PCDH9: variants seen among roughly 807,000 people sequenced by gnomAD.
The protein encoded by PCDH9 is protocadherin-9.
In PCDH9, 24 loss-of-function variants were observed where a neutral mutation model predicts 70.6. The ratio of observed to expected loss-of-function variants is 0.34; its 90% CI spans 0.25 to 0.48. The LOEUF is 0.48. Among genes scored for constraint, PCDH9 ranks in the 20% least tolerant of loss-of-function variants. The pLI, the probability that PCDH9 is intolerant of heterozygous loss-of-function variation, is 0.99. For missense variants in PCDH9, 1,281 were observed against 1,503.6 expected (o/e 0.85, Z 2.45); for synonymous variants, 562 against 558.5 (o/e 1.01, Z -0.09).
intron 2 of PCDH9, among the ~76,000 whole-genome samples, chr13:66,997,788 C>T (rs1051403514): frequency 2.0e-5 from 3 of 152,142 alleles, no homozygotes; most frequent in African/African-American, 7.2e-5. Context: ...CTGCCTTGGC[C>T]TCCCAAAGAG....
At chr13:66,751,350 T>C (rs1223223229) in intron 3 of PCDH9, among the ~76,000 whole-genome samples, 3 of 152,122 alleles carry the variant, frequency 2.0e-5, no homozygotes, top group African/African-American at 2.4e-5. Flanking sequence ...GTCTATAATG[T>C]ATAAATCTAA....
At chr13:67,188,752 T>C (rs1455951003) in intron 2 of PCDH9, among the ~76,000 whole-genome samples, 3 of 152,056 alleles carry the variant, frequency 2.0e-5, no homozygotes, top group African/African-American at 7.2e-5. Flanking sequence ...AAACTGAAAG[T>C]TCCTTTTTAT....
At chr13:66,456,052 T>G (rs1958311443) in intron 4 of PCDH9, among the ~76,000 whole-genome samples, 1 of 152,164 alleles carries the variant, frequency 6.6e-6, no homozygotes, top group Non-Finnish European at 1.5e-5. Flanking sequence ...AACACCTATT[T>G]GAAAATATTA....
In PCDH9 at chr13:66,919,881, T is replaced by C. The variant is rs557270643; in HGVS notation, c.3037-16276A>G. Among the ~76,000 whole-genome samples, 5 of 151,164 alleles carry C rather than the reference T, an allele frequency of 3.3e-5. No homozygotes were observed. In the South Asian group the frequency reaches 6.2e-4, roughly 19 times the overall value. On this transcript the variant is annotated intron_variant, in intron 2 of 4. Coordinates refer to ENST00000377865, the MANE Select transcript of PCDH9 (RefSeq NM_203487.3). ...GTTAATATTAAAATTTAAAATTATA[T>C]ATATTATTCGTATTTCTTATTCGGT...
intron 2 of PCDH9, among the ~76,000 whole-genome samples, chr13:67,012,510 T>G (rs1313591097): frequency 6.6e-6 from 1 of 151,962 alleles, no homozygotes; most frequent in African/African-American, 2.4e-5. Context: ...TGGTGGGACC[T>G]CAAGATTTTT....
chr13:66,582,503 T>C (rs2076906557), intron 4 of PCDH9, among the ~76,000 whole-genome samples: 1 of 151,954 alleles, frequency 6.6e-6, no homozygotes, highest in Non-Finnish European at 1.5e-5. Context: ...TGTGGTGTTG[T>C]ACACCTGTAG....
intron 3 of PCDH9, among the ~76,000 whole-genome samples, chr13:66,838,366 C>CT (rs10719077): frequency 4.6e-5 from 7 of 151,212 alleles, no homozygotes; most frequent in African/African-American, 1.5e-4. Flanking sequence ...ATATTCAATT[C>CT]TTTTTTTAAA....
At chr13:66,664,492 C>A (rs1355484753) in intron 3 of PCDH9, among the ~76,000 whole-genome samples, 1 of 150,892 alleles carries the variant, frequency 6.6e-6, no homozygotes, top group Non-Finnish European at 1.5e-5. Context: ...TGCTACTAAA[C>A]ATGAATAAGA....
chr13:67,158,162 A>G (rs866655050), intron 2 of PCDH9, among the ~76,000 whole-genome samples: 18 of 152,282 alleles, frequency 1.2e-4, no homozygotes, highest in African/African-American at 4.1e-4. Context: ...CCTGAGAGAT[A>G]TTATAAAGGC....
intron 4 of PCDH9, among the ~76,000 whole-genome samples, chr13:66,509,595 A>G (rs1959364099): frequency 6.6e-6 from 1 of 151,754 alleles, no homozygotes; most frequent in African/African-American, 2.4e-5. Context: ...TCTCTACTCT[A>G]TTGCAATAGT....
intron 2 of PCDH9, among the ~76,000 whole-genome samples, chr13:66,944,113 A>G (rs1446490835): frequency 6.6e-6 from 1 of 152,150 alleles, no homozygotes; most frequent in African/African-American, 2.4e-5. Flanking sequence ...TGTGCAAGGC[A>G]TATGTAGATT....
chr13:66,348,460 C>T lies in PCDH9; in HGVS notation c.3341-43432G>A, dbSNP rs575117152. On this transcript the variant is annotated intron_variant, in intron 4 of 4. Coordinates refer to ENST00000377865, the MANE Select transcript of PCDH9 (RefSeq NM_203487.3). Reference sequence around the variant, plus strand: ...TCACCCAGGCTGGAGTGCAGTGGAGCGATCTCAGCTCACTGCAACTTCCAC... The same window carrying T: ...TCACCCAGGCTGGAGTGCAGTGGAGTGATCTCAGCTCACTGCAACTTCCAC... Among the ~76,000 whole-genome samples the T allele has an allele frequency of 6.6e-5, 10 of 151,538 alleles. No individual in the cohort carries two copies. The East Asian group carries it at 1.4e-3, about 21-fold the overall frequency.
chr13:66,687,947 A>G (rs2078428142), intron 3 of PCDH9, among the ~76,000 whole-genome samples: 1 of 152,034 alleles, frequency 6.6e-6, no homozygotes, highest in African/African-American at 2.4e-5. Flanking sequence ...TATGGTGTGA[A>G]ATTAAGTATT....
At chr13:66,435,656 T>G (rs1329622922) in intron 4 of PCDH9, among the ~76,000 whole-genome samples, 1 of 152,196 alleles carries the variant, frequency 6.6e-6, no homozygotes, top group African/African-American at 2.4e-5. Context: ...TTGAATTCAT[T>G]AAGACAAAGG....
At chr13:66,856,977 A>C (rs1408667150) in intron 3 of PCDH9, among the ~76,000 whole-genome samples, 1 of 152,116 alleles carries the variant, frequency 6.6e-6, no homozygotes, top group Non-Finnish European at 1.5e-5. Context: ...TTCAAAAACC[A>C]CATAATTGAG....
At chr13:66,955,920 C>T (rs911511806) in intron 2 of PCDH9, among the ~76,000 whole-genome samples, 4 of 151,944 alleles carry the variant, frequency 2.6e-5, no homozygotes, top group Admixed American at 6.6e-5. Context: ...GGTGAAACCC[C>T]GTTTCTACTA....
intron 2 of PCDH9, among the ~76,000 whole-genome samples, chr13:66,965,736 T>C (rs1206863804): frequency 6.6e-6 from 1 of 152,082 alleles, no homozygotes; most frequent in East Asian, 1.9e-4. Flanking sequence ...CATTATGCCT[T>C]AATAACATCA....
chr13:66,697,504 A>C (rs1204147294), intron 3 of PCDH9, among the ~76,000 whole-genome samples: 3 of 152,214 alleles, frequency 2.0e-5, no homozygotes, highest in Non-Finnish European at 2.9e-5. Context: ...AAGTAATTGC[A>C]CCAAGACCAT....
intron 4 of PCDH9, among the ~76,000 whole-genome samples, chr13:66,353,753 C>T (rs992867717): frequency 6.6e-6 from 1 of 151,916 alleles, no homozygotes; most frequent in African/African-American, 2.4e-5. Context: ...TTAAACAATG[C>T]ATTTCTGTTT....
Sources: allele counts gnomAD v4.1 joint callset (sites outside exome capture counted in the v4.1 genomes callset), GRCh38; gene constraint gnomAD v4.1.1; transcripts MANE v1.5; gene names NCBI Gene and HGNC (gene_info 2026-07-23, HGNC 2026-07-21).